Variants in PPP1R9A observed in about 807,000 individuals in gnomAD.
PPP1R9A encodes neurabin-1.
Under a neutral mutation model 141.9 loss-of-function variants are expected in PPP1R9A, and 59 were observed. The ratio of observed to expected loss-of-function variants is 0.42; its 90% CI spans 0.34 to 0.52. The LOEUF (loss-of-function observed/expected upper bound fraction) is 0.52. Among genes scored for constraint, PPP1R9A ranks in the 20% least tolerant of loss-of-function variants. The pLI is 0.10. For synonymous variants in PPP1R9A, 500 were observed against 569.7 expected, an observed-to-expected ratio of 0.88 and a Z score of 1.74; for missense variants, 1,444 against 1,611.9, an observed-to-expected ratio of 0.90 and a Z score of 1.78.
intron 2 of PPP1R9A, among the ~76,000 whole-genome samples, chr7:95,104,224 G>T (rs540027420): frequency 2.4e-4 from 36 of 152,292 alleles, no homozygotes; most frequent in African/African-American, 8.4e-4. Context: ...AACCTAACTA[G>T]TACTCCATTT....
intron 2 of PPP1R9A, among the ~76,000 whole-genome samples, chr7:94,981,301 T>C (rs1413644380): frequency 6.6e-6 from 1 of 152,140 alleles, no homozygotes; most frequent in Non-Finnish European, 1.5e-5. Context: ...TGGCAAGATC[T>C]CGATCTCGGC....
intron 2 of PPP1R9A, among the ~76,000 whole-genome samples, chr7:95,056,009 T>A (rs897932141): frequency 6.6e-6 from 1 of 152,176 alleles, no homozygotes; most frequent in Non-Finnish European, 1.5e-5. Context: ...TATTTAACTG[T>A]TGTATATAAA....
intron 2 of PPP1R9A, among the ~76,000 whole-genome samples, chr7:95,016,053 G>A (rs573594715): frequency 7.2e-5 from 11 of 152,142 alleles, no homozygotes; most frequent in African/African-American, 1.9e-4. Context: ...CTAAGACCCT[G>A]TCTCTAAAGA....
At chr7:95,235,866 C>G (rs1392304932) in intron 8 of PPP1R9A, among the ~76,000 whole-genome samples, 1 of 152,126 alleles carries the variant, frequency 6.6e-6, no homozygotes, top group African/African-American at 2.4e-5. Context: ...GAATTGGAGA[C>G]TATTATTCTA....
At chr7:95,151,993 C>T (rs954912482) in intron 4 of PPP1R9A, among the ~76,000 whole-genome samples, 10 of 123,744 alleles carry the variant, frequency 8.1e-5, no homozygotes, top group Non-Finnish European at 1.6e-4. Context: ...CACTCTGTCA[C>T]CAGGCTAGAA....
At chr7:95,228,176 A>G (rs945504397) in intron 8 of PPP1R9A, among the ~76,000 whole-genome samples, 2 of 152,254 alleles carry the variant, frequency 1.3e-5, no homozygotes, top group South Asian at 2.1e-4. Context: ...GTGTTTTACT[A>G]CTCGGGCAAA....
intron 5 of PPP1R9A, among the ~76,000 whole-genome samples, chr7:95,196,614 A>G (rs1356559305): frequency 6.6e-6 from 1 of 152,150 alleles, no homozygotes; most frequent in Non-Finnish European, 1.5e-5. Context: ...ATGGAAAACT[A>G]TTTAGTGATA....
At chr7:95,125,358 G>A (rs1259778294) in intron 4 of PPP1R9A, among the ~76,000 whole-genome samples, 4 of 152,086 alleles carry the variant, frequency 2.6e-5, no homozygotes, top group African/African-American at 9.7e-5. Context: ...CTTTTACAGA[G>A]TAGCTTTTAA....
At chr7:95,106,044 CAA>C (rs1470085863) in intron 2 of PPP1R9A, among the ~76,000 whole-genome samples, 3 of 151,876 alleles carry the variant, frequency 2.0e-5, no homozygotes, top group African/African-American at 7.3e-5. Flanking sequence ...CGTTTGAGGC[CAA>C]GAGATCAAGA....
At chr7:94,933,514 A>G (rs1014092245) in intron 2 of PPP1R9A, among the ~76,000 whole-genome samples, 2 of 152,176 alleles carry the variant, frequency 1.3e-5, no homozygotes, top group African/African-American at 4.8e-5. Context: ...TAACACTGTG[A>G]AAAGGAGGTA....
Position 95,158,204 on chromosome 7 carries a change from C to T in PPP1R9A, c.1650-3663C>T, listed in dbSNP as rs186979368. On this transcript the variant is annotated intron_variant, in intron 4 of 19. Coordinates refer to ENST00000433360, the MANE Select transcript of PPP1R9A (RefSeq NM_001166160.2). ...ACTTGACATATATTGCACTACTTAA[C>T]TCTGGGGGGGAAATGGACTCTATTA... Among the ~76,000 whole-genome samples, 209 of 152,196 alleles carry T rather than the reference C, an allele frequency of 1.4e-3. 1 individual carries two copies. The highest frequency in any genetic ancestry group is 0.014 in the Middle Eastern group (4 of 294).
At chr7:94,959,149 T>G (rs1157796453) in intron 2 of PPP1R9A, among the ~76,000 whole-genome samples, 1 of 151,904 alleles carries the variant, frequency 6.6e-6, no homozygotes, top group East Asian at 1.9e-4. Flanking sequence ...TACTTAGATT[T>G]ATCAAGTTAC....
intron 7 of PPP1R9A, among the ~76,000 whole-genome samples, chr7:95,209,405 G>C (rs1025234523): frequency 6.6e-6 from 1 of 152,106 alleles, no homozygotes; most frequent in African/African-American, 2.4e-5. Flanking sequence ...GGCTTGCAAG[G>C]GTGTCACCTG....
At chr7:94,927,203 T>C (rs967590058) in intron 2 of PPP1R9A, among the ~76,000 whole-genome samples, 1 of 152,188 alleles carries the variant, frequency 6.6e-6, no homozygotes, top group Non-Finnish European at 1.5e-5. Flanking sequence ...GTAAAAACCA[T>C]GTTTTGTAAA....
intron 2 of PPP1R9A, 47 bp from the exon 3 acceptor site, chr7:95,111,212 G>GTTTTTTTTTTTTTTTTTTTTTT: frequency 8.0e-7 from 1 of 1,253,534 alleles, no homozygotes; most frequent in Non-Finnish European, 1.1e-6. Context: ...TACCTGGCAG[G>GTTTTTTTTTTTTTTTTTTTTTT]TTTTTTTTTT....
chr7:94,925,679 G>A (rs1275173621), intron 2 of PPP1R9A, among the ~76,000 whole-genome samples: 1 of 152,082 alleles, frequency 6.6e-6, no homozygotes, highest in Non-Finnish European at 1.5e-5. Context: ...TTTTATGGTT[G>A]TGTCTCTAGG....
intron 3 of PPP1R9A, among the ~76,000 whole-genome samples, chr7:95,118,074 A>G (rs1437952594): frequency 6.6e-6 from 1 of 152,202 alleles, no homozygotes; most frequent in African/African-American, 2.4e-5. Flanking sequence ...ATAAGAATTC[A>G]GCTATCCGCT....
intron 2 of PPP1R9A, among the ~76,000 whole-genome samples, chr7:95,086,768 A>T (rs1406422901): frequency 6.6e-6 from 1 of 152,078 alleles, no homozygotes; most frequent in Non-Finnish European, 1.5e-5. Flanking sequence ...CTCATATTTG[A>T]AATTTAGTCC....
At chr7:95,073,951 A>T (rs1168334255) in intron 2 of PPP1R9A, among the ~76,000 whole-genome samples, 1 of 152,152 alleles carries the variant, frequency 6.6e-6, no homozygotes, top group African/African-American at 2.4e-5. Flanking sequence ...GGCAACATGA[A>T]TTTTCATTTT....
Sources: gnomAD v4.1 joint callset for allele counts (sites outside exome capture counted in the v4.1 genomes callset) on GRCh38, gnomAD v4.1.1 for gene constraint, MANE v1.5 for transcripts, NCBI Gene and HGNC (gene_info 2026-07-23, HGNC 2026-07-21) for gene names.